The following MYO16 variants were observed in gnomAD, a reference collection of about 807,000 sequenced individuals.
MYO16 encodes the protein myosin XVI.
MYO16 carries 94 observed loss-of-function variants against 205.3 expected under a neutral mutation model. The observed-to-expected ratio is 0.46, with a 90% confidence interval of 0.39 to 0.54. MYO16 has a LOEUF of 0.54. MYO16 is among the 20% of genes least tolerant of loss of function. The pLI is 0.00. For missense variants in MYO16, 2,315 were observed against 2,387.5 expected (o/e 0.97, Z 0.63); for synonymous variants, 988 against 954.0 (o/e 1.04, Z -0.66).
chr13:108,563,363 T>C, the MYO16 span, among the ~76,000 whole-genome samples: 1 of 152,170 alleles, frequency 6.6e-6, no homozygotes, highest in Non-Finnish European at 1.5e-5. Flanking sequence ...TATTTTAAAA[T>C]GTATGATGAA....
chr13:108,965,067 T>G (rs983326823), intron 20 of MYO16, among the ~76,000 whole-genome samples, 165 bp downstream of exon 20: 2 of 152,254 alleles, frequency 1.3e-5, no homozygotes, highest in Admixed American at 1.3e-4. Context: ...TAATGATTAT[T>G]CTTTAGGAAG....
intron 23 of MYO16, among the ~76,000 whole-genome samples, chr13:109,028,205 T>C (rs1886425632): frequency 6.6e-6 from 1 of 150,610 alleles, no homozygotes; most frequent in South Asian, 2.1e-4. Flanking sequence ...AAAATTGAGA[T>C]ATTTCTCTAA....
At chr13:108,530,989 T>A in the MYO16 span, among the ~76,000 whole-genome samples, 1 of 152,218 alleles carries the variant, frequency 6.6e-6, no homozygotes, top group Non-Finnish European at 1.5e-5. Flanking sequence ...ATGGATCTTT[T>A]CTTTCATGAC....
intron 33 of MYO16, among the ~76,000 whole-genome samples, chr13:109,173,842 C>T (rs1474142016): frequency 2.9e-5 from 4 of 136,158 alleles, no homozygotes; most frequent in African/African-American, 8.3e-5. Context: ...GAGCCGAGAT[C>T]GCGCCACTGC....
intron 32 of MYO16, among the ~76,000 whole-genome samples, chr13:109,147,068 A>G (rs1665875217): frequency 1.3e-5 from 2 of 151,976 alleles, no homozygotes; most frequent in Non-Finnish European, 1.5e-5. Context: ...CCAGGGCGTC[A>G]TTTTTCACGA....
At chr13:108,952,478 G>A (rs554226513) in intron 16 of MYO16, among the ~76,000 whole-genome samples, 3 of 152,158 alleles carry the variant, frequency 2.0e-5, no homozygotes, top group Non-Finnish European at 4.4e-5. Context: ...GTGAATTGTT[G>A]TGGAGACTAA....
At chr13:108,844,611 C>A in intron 10 of MYO16, 118 bp downstream of exon 10, 2 of 1,020,388 alleles carry the variant, frequency 2.0e-6, no homozygotes, top group Admixed American at 3.0e-5. Flanking sequence ...ACAATTAATG[C>A]ATAGATTAAT....
chr13:108,540,009 T>C, the MYO16 span, among the ~76,000 whole-genome samples: 1 of 152,108 alleles, frequency 6.6e-6, no homozygotes, highest in East Asian at 1.9e-4. Flanking sequence ...ATGCAACCAA[T>C]GTTTGTCACT....
Position 108,804,146 on chromosome 13 carries a change from T to C in MYO16, c.742-2533T>C, listed in dbSNP as rs549857084. On this transcript the variant is annotated intron_variant, in intron 6 of 34. Transcript: ENST00000457511. ...TAAACTCTAAACCACTGCTTCTCCA[T>C]CTGCAAAATAAGGGCAACAATCATG... is the stretch of plus-strand genomic sequence containing the variant. Among the ~76,000 whole-genome samples, 8 of 152,286 alleles carry C rather than the reference T, an allele frequency of 5.3e-5. No individual in the cohort carries two copies. The South Asian group carries it at 1.5e-3, about 28-fold the overall frequency.
intron 27 of MYO16, among the ~76,000 whole-genome samples, chr13:109,072,163 A>C (rs1296971795): frequency 2.6e-5 from 4 of 152,158 alleles, no homozygotes; most frequent in Non-Finnish European, 5.9e-5. Flanking sequence ...CATCAGCTTC[A>C]CAATCCAGGT....
intron 22 of MYO16, among the ~76,000 whole-genome samples, chr13:109,018,965 T>G (rs1334553648): frequency 6.7e-6 from 1 of 149,416 alleles, no homozygotes; most frequent in Non-Finnish European, 1.5e-5. Context: ...ATACTCTGTT[T>G]TTTTTTTTGT....
At chr13:108,852,966 T>C (rs1001285285) in intron 10 of MYO16, among the ~76,000 whole-genome samples, 1 of 152,218 alleles carries the variant, frequency 6.6e-6, no homozygotes, top group East Asian at 1.9e-4. Context: ...AAATAATTGA[T>C]GTTTCAGAGG....
At chr13:108,595,296 T>C (rs1030449358), upstream of MYO16, among the ~76,000 whole-genome samples, 9 of 152,304 alleles carry the variant, frequency 5.9e-5, no homozygotes, top group Admixed American at 5.2e-4. Flanking sequence ...TTAGTACTAG[T>C]AGGCTTGTTT....
At chr13:108,569,648 T>G in the MYO16 span, among the ~76,000 whole-genome samples, 2 of 152,176 alleles carry the variant, frequency 1.3e-5, no homozygotes, top group Admixed American at 1.3e-4. Flanking sequence ...CTTTATATTA[T>G]CTAATCGTCC....
Position 108,989,211 on chromosome 13 carries a change from G to C in MYO16, c.2370-3165G>C, listed in dbSNP as rs549834197. 1.1e-4 allele frequency among the ~76,000 whole-genome samples: 16 copies of C among 152,158 alleles called. No individual in the cohort carries two copies. In the South Asian group the frequency reaches 2.3e-3, roughly 22 times the overall value. ...CTGTGGCTTAGGTTTATTTGACATA[G>C]TTCAAATTATACTTTAAGAATACTA... On this transcript the variant is annotated intron_variant, in intron 20 of 34. Transcript: ENST00000457511.
At chr13:108,616,338 C>T (rs554892823) in intron 1 of MYO16, among the ~76,000 whole-genome samples, 6 of 152,250 alleles carry the variant, frequency 3.9e-5, no homozygotes, top group Non-Finnish European at 8.8e-5. Flanking sequence ...TCTTTCAGAG[C>T]GAAATGCAAT....
At chr13:108,839,344 T>C (rs1244228577) in intron 9 of MYO16, among the ~76,000 whole-genome samples, 1 of 152,156 alleles carries the variant, frequency 6.6e-6, no homozygotes, top group Non-Finnish European at 1.5e-5. Context: ...GGGACAAATA[T>C]TCAAATCACA....
chr13:108,734,694 G>A (rs1161905065), intron 4 of MYO16, among the ~76,000 whole-genome samples: 1 of 152,208 alleles, frequency 6.6e-6, no homozygotes, highest in Non-Finnish European at 1.5e-5. Flanking sequence ...CAATGCTGCC[G>A]CCACCCACTG....
chr13:108,946,134 C>T (rs1053595987), intron 16 of MYO16, among the ~76,000 whole-genome samples: 4 of 152,060 alleles, frequency 2.6e-5, no homozygotes, highest in Non-Finnish European at 5.9e-5. Context: ...TTTATTGTAT[C>T]TCCATCCCTT....
Sources: gnomAD v4.1 joint callset for allele counts (sites outside exome capture counted in the v4.1 genomes callset) on GRCh38, gnomAD v4.1.1 for gene constraint, MANE v1.5 for transcripts, NCBI Gene and HGNC (gene_info 2026-07-23, HGNC 2026-07-21) for gene names.